The following SAMMSON variants were observed in gnomAD, a reference collection of about 807,000 sequenced individuals.
The protein encoded by SAMMSON is survival associated mitochondrial melanoma specific oncogenic non-coding RNA.
chr3:70,360,582 T>C (rs1702864018), intron 9 of SAMMSON, among the ~76,000 whole-genome samples: 1 of 152,144 alleles, frequency 6.6e-6, no homozygotes, highest in South Asian at 2.1e-4. Flanking sequence ...CATATTTCTT[T>C]CCCATACTGA....
At chr3:70,274,424 C>T (rs982628003) in intron 6 of SAMMSON, among the ~76,000 whole-genome samples, 6 of 150,700 alleles carry the variant, frequency 4.0e-5, no homozygotes, top group African/African-American at 1.5e-4. Context: ...TTTTTAATGA[C>T]ATTGTTCATC....
chr3:70,386,258 T>C (rs1703122162), intron 9 of SAMMSON, among the ~76,000 whole-genome samples: 1 of 152,068 alleles, frequency 6.6e-6, no homozygotes, highest in Non-Finnish European at 1.5e-5. Flanking sequence ...AGTGTCCATC[T>C]CAAAGTCAAC....
At chr3:70,082,405 G>C (rs2106641732) in intron 4 of SAMMSON, among the ~76,000 whole-genome samples, 1 of 152,342 alleles carries the variant, frequency 6.6e-6, no homozygotes, top group East Asian at 1.9e-4. Flanking sequence ...GTGTGTGAGT[G>C]TCTCTGCAGA....
At chr3:70,086,493 G>C (rs2067286065) in intron 4 of SAMMSON, among the ~76,000 whole-genome samples, 1 of 152,218 alleles carries the variant, frequency 6.6e-6, no homozygotes, top group Non-Finnish European at 1.5e-5. Context: ...CCACTGGGTT[G>C]TCTGGTAAAG....
At chr3:70,094,352 T>C (rs1211691853) in intron 4 of SAMMSON, among the ~76,000 whole-genome samples, 1 of 152,122 alleles carries the variant, frequency 6.6e-6, no homozygotes, top group Non-Finnish European at 1.5e-5. Flanking sequence ...AGAGTAATGT[T>C]CTCAAAATGC....
chr3:70,040,522 G>T (rs1203406412), intron 3 of SAMMSON, among the ~76,000 whole-genome samples: 3 of 152,164 alleles, frequency 2.0e-5, no homozygotes, highest in African/African-American at 7.2e-5. Context: ...CTGATAAATA[G>T]AATTCTAGAA....
At chr3:70,129,142 T>C (rs1041740512) in intron 4 of SAMMSON, among the ~76,000 whole-genome samples, 1 of 152,192 alleles carries the variant, frequency 6.6e-6, no homozygotes, top group East Asian at 1.9e-4. Context: ...CTCTATCTTC[T>C]GATTTAACAT....
intron 9 of SAMMSON, among the ~76,000 whole-genome samples, chr3:70,378,380 T>A (rs535083815): frequency 6.6e-6 from 1 of 152,010 alleles, no homozygotes; most frequent in Non-Finnish European, 1.5e-5. Flanking sequence ...AGAATGATTG[T>A]ACTTATATAA....
intron 6 of SAMMSON, among the ~76,000 whole-genome samples, chr3:70,278,513 C>T (rs1002921671): frequency 2.0e-5 from 3 of 152,172 alleles, no homozygotes; most frequent in Non-Finnish European, 2.9e-5. Flanking sequence ...TTTATACATC[C>T]GTCAAGACTG....
At chr3:70,402,072 C>G (rs183408527) in intron 2 of SAMMSON, among the ~76,000 whole-genome samples, 6 of 152,158 alleles carry the variant, frequency 3.9e-5, no homozygotes, top group Admixed American at 6.5e-5. Flanking sequence ...TTATTATGTC[C>G]TTGTCTTTCA....
chr3:70,049,908 C>A (rs191581740), intron 3 of SAMMSON, among the ~76,000 whole-genome samples: 1 of 152,168 alleles, frequency 6.6e-6, no homozygotes, highest in Non-Finnish European at 1.5e-5. Context: ...CGTGCAATGA[C>A]ATAATGTAAC....
intron 2 of SAMMSON, among the ~76,000 whole-genome samples, chr3:70,413,954 C>T (rs547261150): frequency 1.9e-4 from 29 of 152,064 alleles, no homozygotes; most frequent in Admixed American, 9.2e-4. Flanking sequence ...CTAGCTAGTC[C>T]TTTTAAAAAC....
intron 4 of SAMMSON, among the ~76,000 whole-genome samples, chr3:70,187,156 C>A (rs1237690448): frequency 6.6e-6 from 1 of 152,146 alleles, no homozygotes. Context: ...TAGAAAGCTT[C>A]TAATTTGATT....
At chr3:70,232,588 CG>C (rs1438055040) in intron 4 of SAMMSON, among the ~76,000 whole-genome samples, 1 of 151,760 alleles carries the variant, frequency 6.6e-6, no homozygotes, top group Non-Finnish European at 1.5e-5. Flanking sequence ...TTGATAGAGA[CG>C]GGGTTTCACT....
intron 3 of SAMMSON, among the ~76,000 whole-genome samples, chr3:70,045,905 A>G (rs1400199676): frequency 6.6e-6 from 1 of 152,084 alleles, no homozygotes; most frequent in Non-Finnish European, 1.5e-5. Context: ...TTAACTAAAG[A>G]TAACTTCACA....
chr3:70,104,543 G>A (rs1007739527), intron 4 of SAMMSON, among the ~76,000 whole-genome samples: 7 of 152,104 alleles, frequency 4.6e-5, no homozygotes. Flanking sequence ...TCTGAACATG[G>A]AGAGGAGGAT....
At chr3:70,342,357 T>A (rs371463300) in intron 7 of SAMMSON, among the ~76,000 whole-genome samples, 2 of 152,198 alleles carry the variant, frequency 1.3e-5, no homozygotes, top group East Asian at 1.9e-4. Context: ...CACTGCTTGT[T>A]AATAAGTGGA....
chr3:70,331,385 T>C, intron 7 of SAMMSON, among the ~76,000 whole-genome samples: 1 of 152,176 alleles, frequency 6.6e-6, no homozygotes. Context: ...GAGAGAAATG[T>C]GTGTTTTCTG....
At chr3:70,125,969 G>T in intron 4 of SAMMSON, 1 of 786,728 alleles carries the variant, frequency 1.3e-6, no homozygotes, top group Non-Finnish European at 2.2e-6. Context: ...GGAAGAGGTG[G>T]ATGCAATGGC....
Sources: gnomAD v4.1 joint callset for allele counts (sites outside exome capture counted in the v4.1 genomes callset) on GRCh38, gnomAD v4.1.1 for gene constraint, MANE v1.5 for transcripts, NCBI Gene and HGNC (gene_info 2026-07-23, HGNC 2026-07-21) for gene names.